The following SLF1 variants were observed in gnomAD, a reference collection of about 807,000 sequenced individuals.
SLF1 encodes the protein SMC5-SMC6 complex localization factor protein 1.
A neutral mutation model predicts 123.0 loss-of-function variants in SLF1; 105 were observed. The observed-to-expected ratio is 0.85, with a 90% CI of 0.73 to 1.00. The LOEUF is 1.00. Ranked by LOEUF, SLF1 falls within the 50% of genes least tolerant of loss-of-function variation. SLF1 has a pLI of 0.00. For missense variants in SLF1, 1,239 were observed against 1,223.0 expected, an observed-to-expected ratio of 1.01 and a Z score of -0.20; for synonymous variants, 434 against 406.6, an observed-to-expected ratio of 1.07 and a Z score of -0.81.
chr5:94,657,027 T>A (rs988300867), intron 9 of SLF1, among the ~76,000 whole-genome samples: 1 of 149,088 alleles, frequency 6.7e-6, no homozygotes, highest in African/African-American at 2.4e-5. Flanking sequence ...TTAATAAATA[T>A]TTATTAATTT....
chr5:94,622,810 T>A (rs1264922339), intron 1 of SLF1, among the ~76,000 whole-genome samples: 1 of 152,130 alleles, frequency 6.6e-6, no homozygotes, highest in Non-Finnish European at 1.5e-5. Context: ...AGATTACTTC[T>A]CTTTTATGGG....
Position 94,686,575 on chromosome 5 carries a change from T to C in SLF1, c.1978T>C (p.Phe660Leu). 1.9e-6 allele frequency: 3 copies of C among 1,613,742 alleles called. No homozygotes were observed. Among genetic ancestry groups the C allele is most frequent in the Non-Finnish European group, 1.7e-6 (2 of 1,179,742 alleles). ...TTAACTTACCTTATGTTCTCCAGAC[T>C]TTTCTTCACAGGAATTAGAGATTTT... ...GSYVSLSCDD[F>L]SSQELEIFIC... is the part of the protein sequence containing the mutation. The change falls in exon 16 of 21, where the codon TTT (phenylalanine) becomes CTT (leucine). Residue 660 changes from phenylalanine (F) to leucine (L), a missense_variant and splice_region_variant. By Grantham distance (22) the Phe-to-Leu change is conservative. Coordinates refer to ENST00000265140, the MANE Select transcript of SLF1 (RefSeq NM_032290.4).
In SLF1 at chr5:94,691,506, A is replaced by AT. The variant is rs1022938552; in HGVS notation, c.2420-50dup. 257 of 1,397,196 alleles carry AT rather than the reference A, an allele frequency of 1.8e-4. 1 individual carries two copies. Among genetic ancestry groups the AT allele is most frequent in the Non-Finnish European group, 2.4e-4 (240 of 1,014,164 alleles). 86.5% of individuals were successfully genotyped at this position (1,397,196 alleles called of 1,614,324 possible). ...ATCTCCTAGTTCATGCCCTTTGATT[A>AT]TTTTTTTTAGTTGATATCTTGTCTT... On this transcript the variant is annotated intron_variant, in intron 18 of 20. Transcript: ENST00000265140.
chr5:94,694,667 T>C (rs1232295143), intron 20 of SLF1, among the ~76,000 whole-genome samples, 164 bp from the exon 21 acceptor site: 1 of 151,894 alleles, frequency 6.6e-6, no homozygotes, highest in Admixed American at 6.6e-5. Context: ...TTAATGTACC[T>C]TTATTCGTCT....
chr5:94,632,980 C>T (rs975367563), intron 4 of SLF1, among the ~76,000 whole-genome samples: 4 of 151,844 alleles, frequency 2.6e-5, no homozygotes, highest in Non-Finnish European at 4.4e-5. Context: ...TGAGCCACCG[C>T]GCCCGACCTT....
chr5:94,655,161 C>G (rs2152481199), intron 9 of SLF1, among the ~76,000 whole-genome samples: 1 of 152,248 alleles, frequency 6.6e-6, no homozygotes, highest in East Asian at 1.9e-4. Flanking sequence ...TATGATTATC[C>G]AGTTTTCCCA....
chr5:94,663,933 A>G (rs1193233774), intron 11 of SLF1, 25 bp downstream of exon 11: 1 of 1,452,028 alleles, frequency 6.9e-7, no homozygotes, highest in Non-Finnish European at 9.1e-7. Context: ...AAGGATTTAT[A>G]ATCTTTTTTT....
At chr5:94,627,817 T>C (rs1334130674) in intron 1 of SLF1, among the ~76,000 whole-genome samples, 1 of 151,532 alleles carries the variant, frequency 6.6e-6, no homozygotes, top group Admixed American at 6.6e-5. Context: ...TCAAAAGCTC[T>C]TAGCGAACAA....
chr5:94,640,008 T>G (rs1268825199), intron 4 of SLF1, among the ~76,000 whole-genome samples: 5 of 152,246 alleles, frequency 3.3e-5, no homozygotes, highest in African/African-American at 1.2e-4. Flanking sequence ...GGTAATATTT[T>G]ACTTTTGCTA....
In SLF1 at chr5:94,643,328, A is replaced by G. The variant is rs1320172558; in HGVS notation, c.487A>G (p.Ile163Val). The G allele has an allele frequency of 1.3e-6, 2 of 1,544,856 alleles. No homozygotes were observed. The highest frequency in any genetic ancestry group is 2.0e-5 in the Admixed American group (1 of 49,538). ...TTTACCAAAAAGTTCACCAAGTGGA[A>G]TAACTCATGTGATTGCCAGTAATGC... ...VILPKSSPSGITHVIASNARI... is the reference protein window; with the variant it reads ...VILPKSSPSGVTHVIASNARI... The change falls in exon 5 of 21, where the codon ATA becomes GTA. Residue 163 changes from isoleucine to valine, a missense_variant. Ile to Val is a conservative substitution (Grantham distance 29). Coordinates refer to ENST00000265140, the MANE Select transcript of SLF1 (RefSeq NM_032290.4).
At chr5:94,621,179 G>T (rs1421632058) in intron 1 of SLF1, among the ~76,000 whole-genome samples, 1 of 152,100 alleles carries the variant, frequency 6.6e-6, no homozygotes, top group East Asian at 1.9e-4. Context: ...AAAGTAGATT[G>T]CTTTATGAAA....
chr5:94,653,460 T>A (rs765014043), intron 8 of SLF1, 39 bp downstream of exon 8: 7 of 1,450,272 alleles, frequency 4.8e-6, no homozygotes, highest in Non-Finnish European at 6.4e-6. Flanking sequence ...TCTTTTTTAT[T>A]TTTTGGCTGT....
chr5:94,680,375 T>G (rs1751625883), intron 15 of SLF1, among the ~76,000 whole-genome samples: 1 of 152,224 alleles, frequency 6.6e-6, no homozygotes, highest in Non-Finnish European at 1.5e-5. Flanking sequence ...GTTGCATGAC[T>G]TTAACATTTC....
intron 15 of SLF1, among the ~76,000 whole-genome samples, chr5:94,679,405 G>T (rs1291767953): frequency 6.6e-6 from 1 of 151,696 alleles, no homozygotes; most frequent in Non-Finnish European, 1.5e-5. Context: ...ACCAGCATGT[G>T]CAACATAGCA....
At chr5:94,639,336 A>G (rs1452263831) in intron 4 of SLF1, among the ~76,000 whole-genome samples, 1 of 152,136 alleles carries the variant, frequency 6.6e-6, no homozygotes, top group Non-Finnish European at 1.5e-5. Flanking sequence ...CACTGCAGCC[A>G]GCCATCCCAT....
intron 9 of SLF1, among the ~76,000 whole-genome samples, chr5:94,657,139 T>G (rs1319194634): frequency 6.6e-6 from 1 of 151,554 alleles, no homozygotes; most frequent in African/African-American, 2.4e-5. Flanking sequence ...ATTGTTAAGT[T>G]GATTATTTGA....
At chr5:94,621,488 T>C (rs1326851026) in intron 1 of SLF1, among the ~76,000 whole-genome samples, 1 of 152,206 alleles carries the variant, frequency 6.6e-6, no homozygotes, top group African/African-American at 2.4e-5. Flanking sequence ...ACCTTAGACG[T>C]ATGGTCTTCC....
At chr5:94,681,611 A>C (rs1284836229) in intron 15 of SLF1, among the ~76,000 whole-genome samples, 1 of 151,876 alleles carries the variant, frequency 6.6e-6, no homozygotes, top group Non-Finnish European at 1.5e-5. Flanking sequence ...CTCGTCATCT[A>C]GCATTAGGTA....
At position 94,692,228 on chromosome 5, in the gene SLF1, A is replaced by T; in HGVS notation, c.2667A>T (p.Glu889Asp). 6.2e-7 allele frequency: 1 copy of T among 1,613,654 alleles called. No individual in the cohort carries two copies. Among genetic ancestry groups the T allele is most frequent in the South Asian group, 1.1e-5 (1 of 91,036 alleles). Residue 889 changes from glutamate (E) to aspartate (D), a missense_variant, in exon 20 of 21, where the codon GAA becomes GAT. Glu to Asp is a conservative substitution (Grantham distance 45). Transcript: ENST00000265140. ...LHDALSNGHV[E>D]IGKLLLQHGG... ...ATGCACTGTCAAACGGACATGTAGAAATTGGCAAGCTGCTACTACAGCATG... is the reference window on the plus strand; with the variant it reads ...ATGCACTGTCAAACGGACATGTAGATATTGGCAAGCTGCTACTACAGCATG...
Sources: allele counts gnomAD v4.1 joint callset (sites outside exome capture counted in the v4.1 genomes callset), GRCh38; gene constraint gnomAD v4.1.1; transcripts MANE v1.5; gene names NCBI Gene and HGNC (gene_info 2026-07-23, HGNC 2026-07-21).